The following CCDC138 variants were observed in gnomAD, a reference collection of about 807,000 sequenced individuals.
CCDC138 encodes coiled-coil domain-containing protein 138.
A neutral mutation model predicts 82.3 loss-of-function variants in CCDC138; 66 were observed. The ratio of observed to expected loss-of-function variants is 0.80; its 90% CI spans 0.66 to 0.98. The LOEUF (loss-of-function observed/expected upper bound fraction) is 0.98. Among genes scored for constraint, CCDC138 ranks in the 50% least tolerant of loss-of-function variants. The pLI is 0.00. For synonymous variants in CCDC138, 297 were observed against 265.4 expected (o/e 1.12, Z -1.16); for missense variants, 816 against 758.9 (o/e 1.08, Z -0.88).
chr2:108,850,749 C>A (rs1017639457), intron 12 of CCDC138, among the ~76,000 whole-genome samples: 1 of 152,118 alleles, frequency 6.6e-6, no homozygotes, highest in African/African-American at 2.4e-5. Flanking sequence ...CTGCGCCTGG[C>A]CAGTTGGTGA....
At chr2:108,850,178 A>G (rs907545553) in intron 12 of CCDC138, among the ~76,000 whole-genome samples, 1 of 152,192 alleles carries the variant, frequency 6.6e-6, no homozygotes, top group African/African-American at 2.4e-5. Flanking sequence ...AAACATAAGA[A>G]AAACTCTTAA....
At position 108,788,840 on chromosome 2, in the gene CCDC138, T is replaced by C. The variant is rs573576552; in HGVS notation, c.152-12T>C. On this transcript the variant is annotated splice_polypyrimidine_tract_variant and intron_variant, in intron 2 of 14. Transcript: ENST00000295124. The stretch of plus-strand genomic sequence containing the variant: ...TTGTGGTAATCTTTCATGGTTTCTT[T>C]GTCGTTGACAGGTGATTTGGATATC... 1 of 1,613,990 alleles carries C rather than the reference T, an allele frequency of 6.2e-7. No individual in the cohort carries two copies. Among genetic ancestry groups the C allele is most frequent in the East Asian group, 2.2e-5 (1 of 44,858 alleles).
chr2:108,862,491 G>C (rs1235196913), intron 13 of CCDC138, among the ~76,000 whole-genome samples: 3 of 152,114 alleles, frequency 2.0e-5, no homozygotes, highest in African/African-American at 7.2e-5. Context: ...ATAATGTGGT[G>C]ATTACAGTTA....
At chr2:108,812,773 C>T in intron 8 of CCDC138, 47 bp from the exon 9 acceptor site, 1 of 1,611,220 alleles carries the variant, frequency 6.2e-7, no homozygotes, top group Non-Finnish European at 8.5e-7. Context: ...TGAGTTTACT[C>T]ATTTAGATAC....
At chr2:108,797,631 G>A (rs547339128) in intron 5 of CCDC138, among the ~76,000 whole-genome samples, 6 of 152,242 alleles carry the variant, frequency 3.9e-5, no homozygotes, top group African/African-American at 1.4e-4. Flanking sequence ...TCACAGGATG[G>A]CTTAAGGCAA....
rs543734011 is a variant in CCDC138, at chr2:108,809,855, G to T, written c.856-2776G>T. Among the ~76,000 whole-genome samples the T allele has an allele frequency of 4.6e-5, 7 of 152,184 alleles. No individual in the cohort carries two copies. The South Asian group carries it at 1.5e-3, about 32-fold the overall frequency. On this transcript the variant is annotated intron_variant, in intron 7 of 14. Coordinates refer to ENST00000295124, the MANE Select transcript of CCDC138 (RefSeq NM_144978.3). Reference sequence around the variant, plus strand: ...GAGTCTCACTCTGTCGCCCAGGCTGGAGTGCAGCAGCACGATATCTGCTCA... The same window carrying T: ...GAGTCTCACTCTGTCGCCCAGGCTGTAGTGCAGCAGCACGATATCTGCTCA...
intron 11 of CCDC138, among the ~76,000 whole-genome samples, chr2:108,846,365 A>G (rs1483694593): frequency 1.3e-5 from 2 of 152,178 alleles, no homozygotes; most frequent in African/African-American, 2.4e-5. Flanking sequence ...TTTAATACAT[A>G]TATTTGATTT....
chr2:108,811,733 C>G (rs1015285390), intron 7 of CCDC138, among the ~76,000 whole-genome samples: 4 of 152,028 alleles, frequency 2.6e-5, no homozygotes, highest in South Asian at 2.1e-4. Context: ...GAACATTGTA[C>G]CCAGTAGGTT....
In CCDC138 at chr2:108,860,935, CTTTTTTTTT is replaced by C. The variant is rs70956282; in HGVS notation, c.1693+3980_1693+3988del. Among the ~76,000 whole-genome samples, 35 of 37,934 alleles carry C rather than the reference CTTTTTTTTT, an allele frequency of 9.2e-4. 2 individuals carry two copies. The highest frequency in any genetic ancestry group is 5.5e-3 in the East Asian group (6 of 1,090). The allele number at this position is 37,934 out of a possible 152,430, so 24.9% of individuals were successfully genotyped here. On this transcript the variant is annotated intron_variant, in intron 13 of 14. Transcript: ENST00000295124. ...GGCTGTGAATCCATCTGGTCCAGGACTTTTTTTTTTTTTTTTTTTTTTTGGTTGGTAAGG... is the reference window on the plus strand; with the variant it reads ...GGCTGTGAATCCATCTGGTCCAGGACTTTTTTTTTTTTTTGGTTGGTAAGG...
At chr2:108,823,565 G>A (rs1686071457) in intron 10 of CCDC138, among the ~76,000 whole-genome samples, 1 of 152,196 alleles carries the variant, frequency 6.6e-6, no homozygotes, top group African/African-American at 2.4e-5. Context: ...GTTGTTCCTA[G>A]GCTGTGATCC....
At chr2:108,815,792 TTTTG>T (rs1684688299) in intron 9 of CCDC138, 145 bp from the exon 10 acceptor site, 2 of 660,960 alleles carry the variant, frequency 3.0e-6, no homozygotes, top group Non-Finnish European at 4.9e-6. Flanking sequence ...TTTGGAATTC[TTTTG>T]TTTGTTTGGA....
At chr2:108,879,109 A>G (rs560389122), downstream of CCDC138, among the ~76,000 whole-genome samples, 2 of 152,344 alleles carry the variant, frequency 1.3e-5, no homozygotes, top group Admixed American at 6.5e-5. Context: ...AGAAATCTGC[A>G]CTAGCAAACC....
At chr2:108,850,504 T>C (rs1574219175) in intron 12 of CCDC138, among the ~76,000 whole-genome samples, 1 of 152,092 alleles carries the variant, frequency 6.6e-6, no homozygotes, top group South Asian at 2.1e-4. Flanking sequence ...CAGGCTGGAG[T>C]GCAGTGGCAC....
intron 12 of CCDC138, among the ~76,000 whole-genome samples, chr2:108,853,681 G>A (rs1574234925): frequency 6.7e-6 from 1 of 149,136 alleles, no homozygotes; most frequent in Non-Finnish European, 1.5e-5. Context: ...CATGCACTAC[G>A]ATGACCATCT....
intron 9 of CCDC138, among the ~76,000 whole-genome samples, chr2:108,813,451 A>T (rs1263250229): frequency 6.6e-6 from 1 of 152,072 alleles, no homozygotes; most frequent in Non-Finnish European, 1.5e-5. Flanking sequence ...AAACAAAACT[A>T]TTATATTTCA....
intron 10 of CCDC138, among the ~76,000 whole-genome samples, chr2:108,835,192 CTACTG>C (rs1156835130): frequency 4.6e-5 from 7 of 152,158 alleles, no homozygotes; most frequent in Non-Finnish European, 8.8e-5. Flanking sequence ...GTTGAAATGA[CTACTG>C]TAGTGTAAGT....
chr2:108,802,577 A>G (rs1682118929), intron 6 of CCDC138, among the ~76,000 whole-genome samples: 1 of 144,082 alleles, frequency 6.9e-6, no homozygotes, highest in African/African-American at 2.7e-5. Context: ...GTCTGCAAAC[A>G]GGGACAATTT....
At chr2:108,823,340 A>G (rs1183865367) in intron 10 of CCDC138, among the ~76,000 whole-genome samples, 1 of 152,224 alleles carries the variant, frequency 6.6e-6, no homozygotes, top group Non-Finnish European at 1.5e-5. Context: ...GCAATAAAAA[A>G]CTATTGACTA....
chr2:108,861,472 CTTTTTT>C (rs201132350), intron 13 of CCDC138, among the ~76,000 whole-genome samples: 6 of 123,552 alleles, frequency 4.9e-5, no homozygotes, highest in South Asian at 2.7e-4. Context: ...AACTTTCTTC[CTTTTTT>C]TTTTTTTTTT....
Sources: allele counts gnomAD v4.1 joint callset (sites outside exome capture counted in the v4.1 genomes callset), GRCh38; gene constraint gnomAD v4.1.1; transcripts MANE v1.5; gene names NCBI Gene and HGNC (gene_info 2026-07-23, HGNC 2026-07-21).